The following TM4SF1 variants were observed in gnomAD, a reference collection of about 807,000 sequenced individuals.
TM4SF1 encodes the protein transmembrane 4 L6 family member 1.
In TM4SF1, 20 loss-of-function variants were observed where a neutral mutation model predicts 24.5. The ratio of observed to expected loss-of-function variants is 0.82; its 90% CI spans 0.57 to 1.19. The LOEUF is 1.19. Among genes scored for constraint, TM4SF1 ranks in the 50% most tolerant of loss-of-function variants. The probability of loss-of-function intolerance (pLI) is 0.00; values close to 1 mark genes in which losing one functional copy is unlikely to be tolerated. For synonymous variants in TM4SF1, 107 were observed against 95.4 expected, an observed-to-expected ratio of 1.12 and a Z score of -0.71; for missense variants, 258 against 248.1, an observed-to-expected ratio of 1.04 and a Z score of -0.27.
chr3:149,375,094 A>G (rs114362326), intron 3 of TM4SF1, among the ~76,000 whole-genome samples: 1,760 of 152,236 alleles, frequency 0.012, 32 homozygotes, highest in African/African-American at 0.04. Context: ...AGCACTCTGT[A>G]TTTGGGAAGC....
intron 4 of TM4SF1, chr3:149,370,790 C>T (rs1731803192): frequency 6.6e-6 from 1 of 152,056 alleles, no homozygotes; most frequent in Admixed American, 6.5e-5. Context: ...TAGCAATGGG[C>T]TTTCAGTTTT....
chr3:149,373,006 A>G (rs2108377950), intron 3 of TM4SF1, among the ~76,000 whole-genome samples: 2 of 152,322 alleles, frequency 1.3e-5, no homozygotes, highest in Middle Eastern at 6.8e-3. Context: ...TGCAACAGAT[A>G]TGCTGATCGG....
intron 4 of TM4SF1, 144 bp downstream of exon 4, chr3:149,371,543 T>C (rs1731820841): frequency 1.2e-6 from 1 of 802,130 alleles, no homozygotes; most frequent in South Asian, 1.6e-5. Context: ...CTAAAGTGAA[T>C]GCTATAATTG....
intron 4 of TM4SF1, 33 bp from the exon 5 acceptor site, chr3:149,369,913 A>T: frequency 1.3e-6 from 2 of 1,593,408 alleles, no homozygotes; most frequent in Non-Finnish European, 1.7e-6. Flanking sequence ...TTAGGCTATA[A>T]TCAGGATAAA....
intron 3 of TM4SF1, among the ~76,000 whole-genome samples, chr3:149,373,020 AC>A (rs1430651023): frequency 1.3e-5 from 2 of 152,174 alleles, no homozygotes; most frequent in African/African-American, 4.8e-5. Context: ...TGATCGGTAA[AC>A]AAAATATGGA....
intron 4 of TM4SF1, 161 bp downstream of exon 4, chr3:149,371,526 C>T (rs1731820590): frequency 1.4e-6 from 1 of 725,258 alleles, no homozygotes; most frequent in Non-Finnish European, 2.3e-6. Context: ...AAGCTTGTTA[C>T]TGACAGCTAA....
At chr3:149,371,471 C>T (rs1731819290) in intron 4 of TM4SF1, 8 of 613,580 alleles carry the variant, frequency 1.3e-5, no homozygotes, top group South Asian at 9.9e-5. Context: ...TACATAGAGC[C>T]AACTGCAAAG....
chr3:149,375,446 C>A lies in TM4SF1; in HGVS notation c.410G>T (p.Gly137Val), dbSNP rs759552896. 7 of 1,614,024 alleles carry A rather than the reference C, an allele frequency of 4.3e-6. No homozygotes were observed. The East Asian group carries it at 1.6e-4, about 36-fold the overall frequency. ...CATGTAGAGAGTAATTACATACTGG[C>A]CCTCAGTGCTGGCAAAGGTGTAGTT... ...QWNYTFASTE[G>V]QYLLDTSTWS... The change falls in exon 3 of 5, where the codon GGC (glycine) becomes GTC (valine). Residue 137 changes from glycine (G) to valine (V), a missense_variant. Transcript: ENST00000305366.
chr3:149,374,978 C>G (rs990957424), intron 3 of TM4SF1, among the ~76,000 whole-genome samples: 4 of 152,144 alleles, frequency 2.6e-5, no homozygotes, highest in African/African-American at 9.7e-5. Flanking sequence ...GCAACGTGAC[C>G]TTGGATGAAT....
chr3:149,373,870 G>A (rs578005211), intron 3 of TM4SF1, among the ~76,000 whole-genome samples: 104 of 152,270 alleles, frequency 6.8e-4, no homozygotes, highest in Non-Finnish European at 1.3e-3. Context: ...CTGCATTCTG[G>A]TTGCATAAGT....
At chr3:149,372,776 A>G (rs1731858734) in intron 3 of TM4SF1, among the ~76,000 whole-genome samples, 1 of 152,178 alleles carries the variant, frequency 6.6e-6, no homozygotes, top group Non-Finnish European at 1.5e-5. Flanking sequence ...GGCGTGAACC[A>G]CCACGCCCGG....
chr3:149,375,831 G>A (rs1560003613), intron 1 of TM4SF1, 62 bp from the exon 2 acceptor site: 1 of 1,428,352 alleles, frequency 7.0e-7, no homozygotes, highest in Non-Finnish European at 9.9e-7. Context: ...GGTCAGGTTA[G>A]GCATCTCTTG....
At chr3:149,374,778 G>T (rs767587921) in intron 3 of TM4SF1, among the ~76,000 whole-genome samples, 1 of 152,072 alleles carries the variant, frequency 6.6e-6, no homozygotes, top group Non-Finnish European at 1.5e-5. Context: ...CCTGGGCTTG[G>T]GTTAAATTCA....
At chr3:149,373,578 A>T (rs751695096) in intron 3 of TM4SF1, among the ~76,000 whole-genome samples, 4 of 152,194 alleles carry the variant, frequency 2.6e-5, no homozygotes, top group Non-Finnish European at 5.9e-5. Flanking sequence ...TTTCAAAAAA[A>T]GTTCTGTTTT....
At chr3:149,374,711 T>C (rs1231616741) in intron 3 of TM4SF1, among the ~76,000 whole-genome samples, 2 of 152,200 alleles carry the variant, frequency 1.3e-5, no homozygotes, top group Non-Finnish European at 2.9e-5. Context: ...TATGAGTGTA[T>C]GTATGTGTAT....
At chr3:149,371,584 G>T (rs1731821220) in intron 4 of TM4SF1, 103 bp downstream of exon 4, 9 of 1,154,756 alleles carry the variant, frequency 7.8e-6, no homozygotes, top group African/African-American at 1.5e-5. Flanking sequence ...CAGAATAAAT[G>T]CTGGTAGGTC....
At chr3:149,375,348 G>C in intron 3 of TM4SF1, 95 bp downstream of exon 3, 1 of 1,480,970 alleles carries the variant, frequency 6.8e-7, no homozygotes, top group South Asian at 1.3e-5. Flanking sequence ...TGGGTGGATG[G>C]ATGGATAAGT....
intron 3 of TM4SF1, among the ~76,000 whole-genome samples, chr3:149,372,614 C>A (rs1337207278): frequency 6.6e-6 from 1 of 152,126 alleles, no homozygotes; most frequent in East Asian, 1.9e-4. Context: ...TTAAACCCAA[C>A]TAATTTGATA....
At chr3:149,377,221 C>T in intron 1 of TM4SF1, 150 bp downstream of exon 1, 3 of 1,045,738 alleles carry the variant, frequency 2.9e-6, no homozygotes, top group South Asian at 1.7e-5. Context: ...ACCAATCTCG[C>T]TTTTGTATAA....
Sources: gnomAD v4.1 joint callset for allele counts (sites outside exome capture counted in the v4.1 genomes callset) on GRCh38, gnomAD v4.1.1 for gene constraint, MANE v1.5 for transcripts, NCBI Gene and HGNC (gene_info 2026-07-23, HGNC 2026-07-21) for gene names.